The following PDPN variants were observed in gnomAD, a reference collection of about 807,000 sequenced individuals.
PDPN encodes podoplanin, also known as PA2.26 antigen.
A neutral mutation model predicts 23.2 loss-of-function variants in PDPN; 12 were observed. That is an observed-to-expected ratio of 0.52 (90% CI 0.33 to 0.84). PDPN has a LOEUF of 0.84. Ranked by LOEUF, PDPN falls within the 40% of genes least tolerant of loss-of-function variation. The pLI, the probability that PDPN is intolerant of heterozygous loss-of-function variation, is 0.02. For missense variants in PDPN, 199 were observed against 212.2 expected, an observed-to-expected ratio of 0.94 and a Z score of 0.39; for synonymous variants, 77 against 76.7, an observed-to-expected ratio of 1.00 and a Z score of -0.02.
intron 1 of PDPN, among the ~76,000 whole-genome samples, chr1:13,595,340 T>C (rs1640465554): frequency 6.6e-6 from 1 of 152,152 alleles, no homozygotes; most frequent in Admixed American, 6.5e-5. Context: ...GAAAGGAAAA[T>C]GGAGTCGCTC....
rs534931143 is a variant in PDPN at position 13,604,432 on chromosome 1, A to T, written c.68-2741A>T. ...TAGGGCGGTGAGACAAAAGACATGCATCTTAATCCTGACTATCATTCATAA... is the reference window on the plus strand; with the variant it reads ...TAGGGCGGTGAGACAAAAGACATGCTTCTTAATCCTGACTATCATTCATAA... On this transcript the variant is annotated intron_variant, in intron 1 of 5. Coordinates refer to ENST00000621990, the MANE Select transcript of PDPN (RefSeq NM_006474.5). 4.3e-5 allele frequency among the ~76,000 whole-genome samples: 6 copies of T among 139,046 alleles called. No individual in the cohort carries two copies. The South Asian group carries it at 1.4e-3, about 33-fold the overall frequency. 91.2% of individuals were successfully genotyped at this position (139,046 alleles called of 152,430 possible).
At chr1:13,602,426 G>A (rs910557334) in intron 1 of PDPN, among the ~76,000 whole-genome samples, 22 of 152,030 alleles carry the variant, frequency 1.4e-4, no homozygotes, top group African/African-American at 3.4e-4. Flanking sequence ...TTACAAAAAC[G>A]GTCACAAAAG....
intron 1 of PDPN, among the ~76,000 whole-genome samples, chr1:13,604,179 T>A (rs1399737027): frequency 6.6e-6 from 1 of 152,220 alleles, no homozygotes; most frequent in Non-Finnish European, 1.5e-5. Flanking sequence ...TGCGTGCATA[T>A]GTATGCCTGT....
chr1:13,593,088 A>G lies in PDPN; in HGVS notation c.67+8988A>G, dbSNP rs574360851. On this transcript the variant is annotated intron_variant, in intron 1 of 5. Transcript: ENST00000621990. Reference sequence around the variant, plus strand: ...GTCTGTATTTTAATTATTTGTGTACATAACTTGTCTCTTAGAGAAGAGAGC... The same window carrying G: ...GTCTGTATTTTAATTATTTGTGTACGTAACTTGTCTCTTAGAGAAGAGAGC... 9.2e-5 allele frequency among the ~76,000 whole-genome samples: 14 copies of G among 152,300 alleles called. 1 individual carries two copies. In the East Asian group the frequency reaches 2.7e-3, roughly 29 times the overall value.
intron 1 of PDPN, among the ~76,000 whole-genome samples, chr1:13,602,161 C>A (rs1281903350): frequency 6.6e-6 from 1 of 152,066 alleles, no homozygotes; most frequent in Non-Finnish European, 1.5e-5. Flanking sequence ...CCTGTCTCTA[C>A]TAAAAAATAC....
At chr1:13,592,060 A>C (rs12078261) in intron 1 of PDPN, among the ~76,000 whole-genome samples, 6,976 of 152,276 alleles carry the variant, frequency 0.046, 544 homozygotes, top group African/African-American at 0.16. Context: ...TTTCCTAATG[A>C]TTAGTGATGC....
intron 2 of PDPN, among the ~76,000 whole-genome samples, chr1:13,607,603 A>C (rs1212740970): frequency 1.3e-5 from 2 of 152,190 alleles, no homozygotes; most frequent in East Asian, 3.9e-4. Context: ...ATCTATCAAC[A>C]ACGTTAAGTG....
intron 1 of PDPN, among the ~76,000 whole-genome samples, chr1:13,584,918 G>A (rs545092609): frequency 2.6e-5 from 4 of 152,216 alleles, no homozygotes; most frequent in Admixed American, 2.6e-4. Context: ...ACCTCTTCCC[G>A]CTGGGTTGCT....
chr1:13,598,410 G>A (rs1640552957), intron 1 of PDPN, among the ~76,000 whole-genome samples: 1 of 152,030 alleles, frequency 6.6e-6, no homozygotes, highest in Non-Finnish European at 1.5e-5. Flanking sequence ...CCAAGGTCCT[G>A]GTATAAGCAC....
At chr1:13,597,979 A>G (rs1640541199) in intron 1 of PDPN, among the ~76,000 whole-genome samples, 1 of 151,968 alleles carries the variant, frequency 6.6e-6, no homozygotes, top group South Asian at 2.1e-4. Context: ...TGTCTCAAAA[A>G]AAGGATTCTA....
At chr1:13,614,216 G>A in intron 4 of PDPN, 84 bp from the exon 5 acceptor site, 1 of 731,830 alleles carries the variant, frequency 1.4e-6, no homozygotes, top group South Asian at 1.7e-5. Flanking sequence ...CAGTAGGGCA[G>A]TGGCTTTGTT....
At chr1:13,586,392 G>C (rs10927903) in intron 1 of PDPN, among the ~76,000 whole-genome samples, 1 of 152,012 alleles carries the variant, frequency 6.6e-6, no homozygotes, top group Non-Finnish European at 1.5e-5. Context: ...ATCCAAAATA[G>C]CATTGAATAT....
rs1352928057 is a variant in PDPN, at chr1:13,613,435, A to G, written c.332-252A>G. Reference sequence around the variant, plus strand: ...CCTTTACTCTGCTTTCTAAACTATAAAATTAATACGTAGAAAAGTGCTATG... The same window carrying G: ...CCTTTACTCTGCTTTCTAAACTATAGAATTAATACGTAGAAAAGTGCTATG... On this transcript the variant is annotated intron_variant, in intron 3 of 5. Transcript: ENST00000621990. 2.0e-5 allele frequency among the ~76,000 whole-genome samples: 3 copies of G among 152,148 alleles called. No individual in the cohort carries two copies. The East Asian group carries it at 5.8e-4, about 29-fold the overall frequency.
At chr1:13,597,038 A>G (rs1640516146) in intron 1 of PDPN, among the ~76,000 whole-genome samples, 1 of 152,172 alleles carries the variant, frequency 6.6e-6, no homozygotes, top group South Asian at 2.1e-4. Context: ...AATAATATAC[A>G]AAAGCCTGTG....
Position 13,610,404 on chromosome 1 carries a change from C to T in PDPN, c.219C>T (p.Asn73=). 1 of 1,613,550 alleles carries T rather than the reference C, an allele frequency of 6.2e-7. No homozygotes were observed. ...TACAATAGGTGGCAACAAGTGTCAA[C>T]AGTGTAACAGGCATTCGCATCGAGG... ...GLTTLVATSV[N]SVTGIRIEDL... The change falls in exon 3 of 6, where the codon AAC becomes AAT. Residue 73 remains asparagine (N), a synonymous_variant. Coordinates refer to ENST00000621990, the MANE Select transcript of PDPN (RefSeq NM_006474.5).
At position 13,614,525 on chromosome 1, in the gene PDPN, C is replaced by G. The variant is rs751874737; in HGVS notation, c.482+114C>G. 20 of 686,354 alleles carry G rather than the reference C, an allele frequency of 2.9e-5. No individual in the cohort carries two copies. The Admixed American group carries it at 3.1e-4, about 11-fold the overall frequency. The allele number at this position is 686,354 out of a possible 1,614,324, so 42.5% of individuals were successfully genotyped here. On this transcript the variant is annotated intron_variant, in intron 5 of 5. Coordinates refer to ENST00000621990, the MANE Select transcript of PDPN (RefSeq NM_006474.5). ...ATAAGCTGGGTGTGGTGGCTCGTGCCTGTAGTCTCAGCTGCTGGGCACCTG... is the reference window on the plus strand; with the variant it reads ...ATAAGCTGGGTGTGGTGGCTCGTGCGTGTAGTCTCAGCTGCTGGGCACCTG...
At chr1:13,586,239 T>A (rs139421985) in intron 1 of PDPN, among the ~76,000 whole-genome samples, 2 of 152,198 alleles carry the variant, frequency 1.3e-5, no homozygotes, top group African/African-American at 2.4e-5. Flanking sequence ...TTCCCTGTGA[T>A]TTCCCCGAAA....
At chr1:13,589,910 C>T (rs941011591) in intron 1 of PDPN, among the ~76,000 whole-genome samples, 2 of 152,232 alleles carry the variant, frequency 1.3e-5, no homozygotes, top group Non-Finnish European at 2.9e-5. Flanking sequence ...TCACCGCAAC[C>T]TCCGACCCCC....
intron 5 of PDPN, 97 bp downstream of exon 5, chr1:13,614,508 G>A (rs1268829437): frequency 1.3e-6 from 1 of 746,434 alleles, no homozygotes; most frequent in Non-Finnish European, 2.4e-6. Flanking sequence ...ATATAAGCTG[G>A]GTGTGGTGGC....
Sources: allele counts gnomAD v4.1 joint callset (sites outside exome capture counted in the v4.1 genomes callset), GRCh38; gene constraint gnomAD v4.1.1; transcripts MANE v1.5; gene names NCBI Gene and HGNC (gene_info 2026-07-23, HGNC 2026-07-21).